ISM1: variants seen among roughly 807,000 people sequenced by gnomAD.
The protein encoded by ISM1 is isthmin-1.
Under a neutral mutation model 46.3 loss-of-function variants are expected in ISM1, and 25 were observed. That is an observed-to-expected ratio of 0.54 (90% confidence interval 0.39 to 0.75). The LOEUF (loss-of-function observed/expected upper bound fraction) is 0.75. ISM1 is among the 30% of genes least tolerant of loss of function. The pLI, the probability that ISM1 is intolerant of heterozygous loss-of-function variation, is 0.00. For missense variants in ISM1, 536 were observed against 625.4 expected (o/e 0.86, Z 1.52); for synonymous variants, 255 against 256.7 (o/e 0.99, Z 0.06).
chr20:13,264,720 C>T (rs1323637180), intron 1 of ISM1, among the ~76,000 whole-genome samples: 2 of 152,198 alleles, frequency 1.3e-5, no homozygotes, highest in African/African-American at 4.8e-5. Context: ...ATTGGACATT[C>T]TTGGTGTTGG....
At chr20:13,275,514 T>G (rs117838615) in intron 2 of ISM1, among the ~76,000 whole-genome samples, 2,250 of 152,316 alleles carry the variant, frequency 0.015, 25 homozygotes, top group Non-Finnish European at 0.02. Context: ...GGCTTGTGTT[T>G]GGGATCAGGC....
At chr20:13,318,867 T>A in the ISM1 span, among the ~76,000 whole-genome samples, 3 of 152,190 alleles carry the variant, frequency 2.0e-5, no homozygotes, top group Non-Finnish European at 2.9e-5. Context: ...TGCCAGGGGT[T>A]GAGAAGAGGA....
At chr20:13,234,728 T>C (rs1239427237) in intron 1 of ISM1, among the ~76,000 whole-genome samples, 3 of 152,252 alleles carry the variant, frequency 2.0e-5, no homozygotes, top group Admixed American at 6.5e-5. Flanking sequence ...TTTTTTCATA[T>C]GTTTGTTGTC....
intron 1 of ISM1, among the ~76,000 whole-genome samples, chr20:13,257,342 C>T (rs1600515337): frequency 6.6e-6 from 1 of 152,158 alleles, no homozygotes; most frequent in East Asian, 1.9e-4. Context: ...TGGTGAAAAC[C>T]TGTCTCTACT....
rs370187055 is a variant in ISM1 at position 13,279,837 on chromosome 20, G to C, written c.582G>C (p.Arg194Ser). ...ACAGCAACTTCCTCAACCCCCCCAGGGGGTGGGACCATACAGCCCCAGGCC... is the reference window on the plus strand; with the variant it reads ...ACAGCAACTTCCTCAACCCCCCCAGCGGGTGGGACCATACAGCCCCAGGCC... ...SDDSNFLNPPRGWDHTAPGHR... is the reference protein window; with the variant it reads ...SDDSNFLNPPSGWDHTAPGHR... The change falls in exon 3 of 6, where the codon AGG becomes AGC. Residue 194 changes from arginine to serine, a missense_variant. Arg to Ser is a moderately radical substitution (Grantham distance 110). This residue lies in a region of ISM1 where 367 missense variants were observed against 376.1 expected (regional missense o/e 0.98). Coordinates refer to ENST00000262487, the MANE Select transcript of ISM1 (RefSeq NM_080826.2). The C allele has an allele frequency of 1.9e-6, 3 of 1,613,818 alleles. No homozygotes were observed. Among genetic ancestry groups the C allele is most frequent in the East Asian group, 4.5e-5 (2 of 44,882 alleles).
At chr20:13,317,148 G>A in the ISM1 span, among the ~76,000 whole-genome samples, 2 of 151,772 alleles carry the variant, frequency 1.3e-5, no homozygotes, top group African/African-American at 4.8e-5. Flanking sequence ...CAATGAACAA[G>A]TGGAATTTGA....
intron 5 of ISM1, among the ~76,000 whole-genome samples, chr20:13,298,209 G>A (rs1000674323): frequency 2.0e-5 from 3 of 152,116 alleles, no homozygotes; most frequent in African/African-American, 4.8e-5. Flanking sequence ...AGGTTCAAGC[G>A]ATTCTCCTGC....
At chr20:13,260,879 G>C (rs2039981727) in intron 1 of ISM1, among the ~76,000 whole-genome samples, 1 of 152,158 alleles carries the variant, frequency 6.6e-6, no homozygotes, top group African/African-American at 2.4e-5. Flanking sequence ...CATAGCCTGG[G>C]GAGGCTCAGC....
At chr20:13,222,874 C>G (rs1219409746) in intron 1 of ISM1, among the ~76,000 whole-genome samples, 1 of 152,152 alleles carries the variant, frequency 6.6e-6, no homozygotes. Flanking sequence ...CTCCTAAAAT[C>G]TGCTCAAACC....
chr20:13,233,042 C>T (rs1011823483), intron 1 of ISM1, among the ~76,000 whole-genome samples: 2 of 149,932 alleles, frequency 1.3e-5, no homozygotes, highest in East Asian at 3.9e-4. Flanking sequence ...AAAAAGAAAA[C>T]AGGCCGGAAA....
In ISM1 at chr20:13,231,891, C is replaced by T. The variant is rs243893; in HGVS notation, c.138+9977C>T. ...GAAAAGGTCAGGTAGGCTTTGAATG[C>T]GATGGGCCATTGATGTCATCTGGAC... is the stretch of plus-strand genomic sequence containing the variant. On this transcript the variant is annotated intron_variant, in intron 1 of 5. Coordinates refer to ENST00000262487, the MANE Select transcript of ISM1 (RefSeq NM_080826.2). Among the ~76,000 whole-genome samples, 458 of 152,256 alleles carry T rather than the reference C, an allele frequency of 3.0e-3. 8 individuals carry two copies. The highest frequency in any genetic ancestry group is 4.4e-3 in the Non-Finnish European group (297 of 68,022).
intron 1 of ISM1, among the ~76,000 whole-genome samples, chr20:13,223,833 T>G (rs577707425): frequency 2.0e-5 from 3 of 152,338 alleles, no homozygotes; most frequent in Non-Finnish European, 2.9e-5. Context: ...CATGATGCTT[T>G]CTTTCCTCAT....
rs750157145 is a variant in ISM1, at chr20:13,299,300, G to A, written c.1236G>A (p.Ala412=). 17 of 1,613,412 alleles carry A rather than the reference G, an allele frequency of 1.1e-5. No homozygotes were observed. Among genetic ancestry groups the A allele is most frequent in the South Asian group, 8.8e-5 (8 of 91,004 alleles). Residue 412 remains alanine (A), a synonymous_variant, in exon 6 of 6, where the codon GCG becomes GCA. Transcript: ENST00000262487. The surrounding 1 kb of genome is among the most constrained non-coding windows in gnomAD (Gnocchi z 5.8). ...TPNLISTEFS[A]ELHYKVDVLP... is the part of the protein sequence containing the mutation. ...ACCTCATCAGCACCGAGTTCTCCGC[G>A]GAGCTCCACTACAAGGTGGACGTCC...
intron 1 of ISM1, among the ~76,000 whole-genome samples, chr20:13,268,150 T>TCTTCTCTTCTCTTCTCTTCC (rs1456943060): frequency 2.8e-5 from 4 of 141,508 alleles, no homozygotes; most frequent in African/African-American, 8.0e-5. Context: ...TCTTCTCTTC[T>TCTTCTCTTCTCTTCTCTTCC]CTTCCCTTCC....
At chr20:13,326,378 A>T in the ISM1 span, among the ~76,000 whole-genome samples, 1 of 152,250 alleles carries the variant, frequency 6.6e-6, no homozygotes, top group Non-Finnish European at 1.5e-5. Context: ...TATATATTCG[A>T]TTTAAGTATA....
rs1283525883 is a variant in ISM1, at chr20:13,288,655, G to A, written c.759G>A (p.Ser253=). ...GCTACGCGTGCACTGCAACAGAATC[G>A]AGGACCTGTGACCGTCCAAACTGCC... The part of the protein sequence containing the change: ...SCGYACTATE[S]RTCDRPNCPG... The change falls in exon 4 of 6, where the codon TCG becomes TCA. Residue 253 remains serine (S), a synonymous_variant. Transcript: ENST00000262487. The A allele has an allele frequency of 1.2e-6, 2 of 1,613,872 alleles. No homozygotes were observed. The highest frequency in any genetic ancestry group is 1.3e-5 in the African/African-American group (1 of 74,928).
intron 1 of ISM1, among the ~76,000 whole-genome samples, chr20:13,256,652 T>C (rs2039933166): frequency 6.6e-6 from 1 of 152,176 alleles, no homozygotes; most frequent in Non-Finnish European, 1.5e-5. Context: ...GTGGTGTTGG[T>C]CCTTTCTCTG....
intron 2 of ISM1, 136 bp downstream of exon 2, chr20:13,270,879 T>A: frequency 1.2e-6 from 1 of 806,044 alleles, no homozygotes; most frequent in Non-Finnish European, 2.0e-6. Flanking sequence ...GATCATGTTA[T>A]CTCCATAAGA....
At chr20:13,268,328 TC>T in intron 1 of ISM1, among the ~76,000 whole-genome samples, 1 of 149,112 alleles carries the variant, frequency 6.7e-6, no homozygotes, top group African/African-American at 2.5e-5. Context: ...CTCTTCTCTT[TC>T]TCCTTCTCCT....
Sources: allele counts gnomAD v4.1 joint callset (sites outside exome capture counted in the v4.1 genomes callset), GRCh38; gene constraint gnomAD v4.1.1; regional missense constraint gnomAD v4.1.1; non-coding constraint Gnocchi (gnomAD v3.1); transcripts MANE v1.5; gene names NCBI Gene and HGNC (gene_info 2026-07-23, HGNC 2026-07-21).